The following VAV1 variants were observed in gnomAD, a reference collection of about 807,000 sequenced individuals.
The protein encoded by VAV1 is proto-oncogene vav.
In VAV1, 33 loss-of-function variants were observed where a neutral mutation model predicts 128.1. The observed-to-expected ratio is 0.26, with a 90% confidence interval of 0.20 to 0.34. The LOEUF (loss-of-function observed/expected upper bound fraction) is 0.34, where lower values mean the gene tolerates loss of function less well. VAV1 is among the 10% of genes least tolerant of loss of function. The pLI is 1.00. For missense variants in VAV1, 715 were observed against 1,093.7 expected (o/e 0.65, Z 4.88); for synonymous variants, 394 against 409.8 (o/e 0.96, Z 0.47).
intron 1 of VAV1, among the ~76,000 whole-genome samples, chr19:6,784,647 C>G (rs577426907): frequency 1.3e-5 from 2 of 152,094 alleles, no homozygotes; most frequent in Admixed American, 1.3e-4. Context: ...GCAAGTGCCA[C>G]CACACCTAGC....
chr19:6,828,403 G>C lies in VAV1; in HGVS notation c.1024-16G>C, dbSNP rs754777718. ...GGGAGGGGCCCAGGTGACGTCTGACGTCTTGGTTCTCTCAGGAGCTGGTGA... is the reference window on the plus strand; with the variant it reads ...GGGAGGGGCCCAGGTGACGTCTGACCTCTTGGTTCTCTCAGGAGCTGGTGA... On this transcript the variant is annotated splice_polypyrimidine_tract_variant and intron_variant, in intron 10 of 26. Coordinates refer to ENST00000602142, the MANE Select transcript of VAV1 (RefSeq NM_005428.4). The surrounding 1 kb of genome is among the most constrained non-coding windows in gnomAD (Gnocchi z 4.5). 4 of 1,614,046 alleles carry C rather than the reference G, an allele frequency of 2.5e-6. No homozygotes were observed. In the Admixed American group the frequency reaches 6.7e-5, roughly 27 times the overall value.
chr19:6,855,122 A>C (rs988674602), intron 26 of VAV1, among the ~76,000 whole-genome samples: 16 of 152,322 alleles, frequency 1.1e-4, no homozygotes, highest in African/African-American at 3.8e-4. Context: ...TATTTCATCC[A>C]CTGATGACTT....
chr19:6,856,723 CA>C (rs1180126810), intron 26 of VAV1, among the ~76,000 whole-genome samples: 1 of 64,990 alleles, frequency 1.5e-5, no homozygotes, highest in Non-Finnish European at 3.0e-5. Flanking sequence ...GACTCTGTCT[CA>C]AAAAAGAAAA....
rs79549659 is a variant in VAV1 at position 6,800,926 on chromosome 19, C to T, written c.205-19776C>T. 4.0e-4 allele frequency among the ~76,000 whole-genome samples: 61 copies of T among 152,296 alleles called. No homozygotes were observed. In the East Asian group the frequency reaches 0.011, roughly 27 times the overall value. On this transcript the variant is annotated intron_variant, in intron 1 of 26. Transcript: ENST00000602142. ...ACAGGCGTGAGCCACCGCACCCAGC[C>T]GCTCACCATCTCTTTGTCGCCTGCA...
intron 1 of VAV1, among the ~76,000 whole-genome samples, chr19:6,773,289 G>T (rs1970543114): frequency 5.9e-5 from 9 of 152,106 alleles, no homozygotes; most frequent in Admixed American, 5.9e-4. Flanking sequence ...CAAGCCCCAG[G>T]CGCCTCTACT....
chr19:6,831,980 A>G (rs892369938), intron 14 of VAV1, 111 bp from the exon 15 acceptor site: 21 of 801,702 alleles, frequency 2.6e-5, no homozygotes, highest in Admixed American at 4.6e-5. Context: ...TGCTAGGGGC[A>G]TAGAGACTGT....
intron 1 of VAV1, among the ~76,000 whole-genome samples, chr19:6,787,059 C>T (rs1411484128): frequency 1.4e-5 from 2 of 145,552 alleles, no homozygotes; most frequent in Non-Finnish European, 3.0e-5. Context: ...GCTCTGTCAT[C>T]CAGGCTGGAG....
At chr19:6,821,966 G>A in intron 4 of VAV1, 107 bp downstream of exon 4, 2 of 1,463,970 alleles carry the variant, frequency 1.4e-6, no homozygotes, top group Admixed American at 1.7e-5. Flanking sequence ...TCATACCCTG[G>A]TGTCTGGGGC....
At chr19:6,789,894 G>A (rs117470610) in intron 1 of VAV1, among the ~76,000 whole-genome samples, 2,689 of 152,298 alleles carry the variant, frequency 0.018, 31 homozygotes, top group South Asian at 0.061. Flanking sequence ...CACTGCACCT[G>A]GCCTTATTTT....
At chr19:6,788,345 TTTATTTTA>T (rs1315097259) in intron 1 of VAV1, among the ~76,000 whole-genome samples, 3 of 115,620 alleles carry the variant, frequency 2.6e-5, no homozygotes, top group Non-Finnish European at 5.2e-5. Flanking sequence ...CATGATTCTT[TTTATTTTA>T]TTATTATTAT....
intron 1 of VAV1, among the ~76,000 whole-genome samples, chr19:6,813,647 A>G (rs558171650): frequency 2.0e-5 from 3 of 152,226 alleles, no homozygotes; most frequent in African/African-American, 7.2e-5. Flanking sequence ...GAGGTTTTCT[A>G]TACAAATCTT....
chr19:6,828,938 G>T lies in VAV1; in HGVS notation c.1265+38G>T. On this transcript the variant is annotated intron_variant, in intron 13 of 26. Coordinates refer to ENST00000602142, the MANE Select transcript of VAV1 (RefSeq NM_005428.4). This position sits in a 1 kb window ranked among gnomAD's most constrained non-coding sequence, Gnocchi z 4.5. ...AACATGGATCTGGGATGGAGCCTGGGCAAAGGGGTGGGACCAGGCTCCTAG... is the reference window on the plus strand; with the variant it reads ...AACATGGATCTGGGATGGAGCCTGGTCAAAGGGGTGGGACCAGGCTCCTAG... The T allele has an allele frequency of 6.2e-7, 1 of 1,609,770 alleles. No individual in the cohort carries two copies. The highest frequency in any genetic ancestry group is 8.5e-7 in the Non-Finnish European group (1 of 1,176,976).
At chr19:6,795,031 G>A (rs1270414766) in intron 1 of VAV1, among the ~76,000 whole-genome samples, 8 of 152,118 alleles carry the variant, frequency 5.3e-5, no homozygotes, top group East Asian at 1.9e-4. Context: ...CATGGCGACC[G>A]GGTTTCAAGA....
Position 6,821,690 on chromosome 19 carries a change from C to G in VAV1, c.380+10C>G, listed in dbSNP as rs1971788485. 2 of 1,614,072 alleles carry G rather than the reference C, an allele frequency of 1.2e-6. No individual in the cohort carries two copies. The highest frequency in any genetic ancestry group is 2.2e-5 in the South Asian group (2 of 91,096). ...AGAACAGGGGGATCATGTGAGTAAC[C>G]ACCTGGGCCTTGGGCCATTTAGCCC... On this transcript the variant is annotated intron_variant, in intron 3 of 26. Coordinates refer to ENST00000602142, the MANE Select transcript of VAV1 (RefSeq NM_005428.4).
chr19:6,853,099 G>C lies in VAV1; in HGVS notation c.2332+20G>C, dbSNP rs1451124210. The C allele has an allele frequency of 6.2e-7, 1 of 1,606,896 alleles. No homozygotes were observed. The highest frequency in any genetic ancestry group is 8.5e-7 in the Non-Finnish European group (1 of 1,174,972). ...CAGCAGGTAGGAGGTCTCAGACTGG[G>C]GGCTTACAGCCTCAGCCCCTTCCCA... On this transcript the variant is annotated intron_variant, in intron 25 of 26. Coordinates refer to ENST00000602142, the MANE Select transcript of VAV1 (RefSeq NM_005428.4).
chr19:6,856,527 G>A lies in VAV1; in HGVS notation c.2485-527G>A, dbSNP rs373996111. 3.9e-5 allele frequency among the ~76,000 whole-genome samples: 6 copies of A among 151,940 alleles called. No individual in the cohort carries two copies. The East Asian group carries it at 9.7e-4, about 25-fold the overall frequency. ...ACCGGAGGTCAGGAGTTTGAAACCA[G>A]CCCGGCCAACATGGTGAAACCCCGT... On this transcript the variant is annotated intron_variant, in intron 26 of 26. Coordinates refer to ENST00000602142, the MANE Select transcript of VAV1 (RefSeq NM_005428.4).
At chr19:6,838,603 A>G (rs1295219587) in intron 21 of VAV1, among the ~76,000 whole-genome samples, 1 of 151,916 alleles carries the variant, frequency 6.6e-6, no homozygotes, top group Non-Finnish European at 1.5e-5. Flanking sequence ...TCTATTACCT[A>G]TTTATTATCA....
At chr19:6,799,844 CAA>C (rs60826995) in intron 1 of VAV1, among the ~76,000 whole-genome samples, 2,554 of 48,750 alleles carry the variant, frequency 0.052, 44 homozygotes, top group African/African-American at 0.15. Context: ...GAGACTGTCT[CAA>C]AAAAAAAAAA....
In VAV1 at chr19:6,850,457, T is replaced by C. The variant is rs145239714; in HGVS notation, c.2130-213T>C. On this transcript the variant is annotated intron_variant, in intron 23 of 26. Transcript: ENST00000602142. ...ACTGACTTCTCAACAAACCTGTGAG[T>C]CAGGGAAGATGATTCCTCTTCTACG... 1.8e-3 allele frequency among the ~76,000 whole-genome samples: 269 copies of C among 151,188 alleles called. 2 individuals are homozygous for C. Among genetic ancestry groups the C allele is most frequent in the African/African-American group, 6.1e-3 (252 of 41,138 alleles).
Sources: gnomAD v4.1 joint callset for allele counts (sites outside exome capture counted in the v4.1 genomes callset) on GRCh38, gnomAD v4.1.1 for gene constraint, Gnocchi (gnomAD v3.1) non-coding constraint, MANE v1.5 for transcripts, NCBI Gene and HGNC (gene_info 2026-07-23, HGNC 2026-07-21) for gene names.